Variants in WNT3 observed in about 807,000 individuals in gnomAD.
WNT3 encodes proto-oncogene Wnt-3.
A neutral mutation model predicts 34.2 loss-of-function variants in WNT3; 7 were observed. The ratio of observed to expected loss-of-function variants is 0.20; its 90% CI spans 0.12 to 0.38. The LOEUF is 0.38. Ranked by LOEUF, WNT3 falls within the 10% of genes least tolerant of loss-of-function variation. The pLI is 1.00. For synonymous variants in WNT3, 212 were observed against 211.5 expected (o/e 1.00, Z -0.02); for missense variants, 267 against 499.8 (o/e 0.53, Z 4.44).
At chr17:46,803,159 G>GTACCAATTATTGCAGGTA (rs2084148437) in intron 1 of WNT3, among the ~76,000 whole-genome samples, 1 of 152,192 alleles carries the variant, frequency 6.6e-6, no homozygotes, top group Non-Finnish European at 1.5e-5. Flanking sequence ...GCATTTGGTC[G>GTACCAATTATTGCAGGTA]CAGAAGTCTT....
intron 1 of WNT3, among the ~76,000 whole-genome samples, chr17:46,781,244 A>T (rs912130290): frequency 5.3e-5 from 8 of 152,008 alleles, no homozygotes; most frequent in African/African-American, 1.9e-4. Flanking sequence ...AAAAAAAAAA[A>T]AGGAATGAAA....
intron 1 of WNT3, among the ~76,000 whole-genome samples, chr17:46,816,660 G>T (rs1014169185): frequency 1.3e-5 from 2 of 152,112 alleles, no homozygotes; most frequent in African/African-American, 4.8e-5. Flanking sequence ...TCCCTATCTA[G>T]ATGGTCCCCA....
chr17:46,781,652 G>A (rs1158351801), intron 1 of WNT3, among the ~76,000 whole-genome samples: 4 of 152,102 alleles, frequency 2.6e-5, no homozygotes, highest in African/African-American at 4.8e-5. Context: ...GAAAACAGAC[G>A]GTGGTGATGG....
At chr17:46,774,114 G>A (rs1459673895) in intron 1 of WNT3, among the ~76,000 whole-genome samples, 1 of 152,380 alleles carries the variant, frequency 6.6e-6, no homozygotes, top group East Asian at 1.9e-4. Flanking sequence ...CCCTCTGGCT[G>A]CATCCAGCTT....
intron 1 of WNT3, among the ~76,000 whole-genome samples, chr17:46,785,501 A>T (rs181348577): frequency 6.6e-6 from 1 of 152,356 alleles, no homozygotes; most frequent in African/African-American, 2.4e-5. Flanking sequence ...CCCCGAGGAC[A>T]GGCCCCAGGA....
chr17:46,813,470 CG>C (rs1225035036), intron 1 of WNT3, among the ~76,000 whole-genome samples: 1 of 20,020 alleles, frequency 5.0e-5, no homozygotes, highest in Non-Finnish European at 9.9e-5. Context: ...TAACCTTTGG[CG>C]GGGGGTGGGG....
At chr17:46,771,677 C>G (rs1384837874) in intron 2 of WNT3, among the ~76,000 whole-genome samples, 1 of 144,274 alleles carries the variant, frequency 6.9e-6, no homozygotes, top group East Asian at 2.0e-4. Flanking sequence ...CACCGCGTAG[C>G]AACGGGCGGC....
chr17:46,769,652 G>T (rs2059346004), intron 3 of WNT3, 131 bp downstream of exon 3: 5 of 1,284,640 alleles, frequency 3.9e-6, no homozygotes, highest in Non-Finnish European at 4.3e-6. Context: ...AGGAGGCCAA[G>T]CCTGGCCAAG....
chr17:46,808,489 G>A (rs2084226332), intron 1 of WNT3, among the ~76,000 whole-genome samples: 2 of 152,358 alleles, frequency 1.3e-5, no homozygotes, highest in African/African-American at 2.4e-5. Flanking sequence ...CTGAATGGTG[G>A]TAGAAGGAAA....
intron 1 of WNT3, among the ~76,000 whole-genome samples, chr17:46,806,685 G>T (rs1046297666): frequency 2.6e-5 from 4 of 152,280 alleles, no homozygotes; most frequent in African/African-American, 9.6e-5. Context: ...CCTGAGGCTA[G>T]ACATTCTCTC....
At chr17:46,789,766 C>T (rs985459760) in intron 1 of WNT3, among the ~76,000 whole-genome samples, 1 of 152,212 alleles carries the variant, frequency 6.6e-6, no homozygotes, top group African/African-American at 2.4e-5. Context: ...CAGCTTGGAC[C>T]TCCAGCTGGG....
At chr17:46,811,970 A>C (rs1242888835) in intron 1 of WNT3, among the ~76,000 whole-genome samples, 2 of 152,160 alleles carry the variant, frequency 1.3e-5, no homozygotes, top group African/African-American at 4.8e-5. Flanking sequence ...AAAAAAAGAA[A>C]GAAAGAAAGA....
chr17:46,768,313 T>C lies in WNT3; in HGVS notation c.*7A>G. On this transcript the variant is annotated splice_region_variant and 3_prime_UTR_variant, in exon 4 of 5. Coordinates refer to ENST00000225512, the MANE Select transcript of WNT3 (RefSeq NM_030753.5). This position sits in a 1 kb window ranked among gnomAD's most constrained non-coding sequence, Gnocchi z 5.0. ...CCCCCCTGCTTCCCGGAGCCCTACC[T>C]GGTGCCCTACTTGCAGGTGTGCACG... The C allele has an allele frequency of 6.2e-7, 1 of 1,613,460 alleles. No homozygotes were observed. Among genetic ancestry groups the C allele is most frequent in the East Asian group, 2.2e-5 (1 of 44,882 alleles).
At chr17:46,817,170 C>T (rs912980820) in intron 1 of WNT3, among the ~76,000 whole-genome samples, 7 of 152,232 alleles carry the variant, frequency 4.6e-5, no homozygotes, top group Non-Finnish European at 1.0e-4. Context: ...GCTGCCATCC[C>T]CAAACAACTG....
intron 1 of WNT3, among the ~76,000 whole-genome samples, chr17:46,798,264 TA>T (rs2084079782): frequency 6.6e-6 from 1 of 151,944 alleles, no homozygotes; most frequent in Non-Finnish European, 1.5e-5. Flanking sequence ...AATAAATAGG[TA>T]AAATTCAGGA....
intron 1 of WNT3, among the ~76,000 whole-genome samples, chr17:46,814,626 C>T (rs1376978941): frequency 6.6e-6 from 1 of 152,228 alleles, no homozygotes; most frequent in African/African-American, 2.4e-5. Flanking sequence ...CTCCAGCTAG[C>T]TCAGCTCCTC....
chr17:46,787,039 C>T (rs2059512338), intron 1 of WNT3, among the ~76,000 whole-genome samples: 1 of 151,810 alleles, frequency 6.6e-6, no homozygotes. Flanking sequence ...CTTGGCTCAA[C>T]CAGTCCTTCC....
At chr17:46,803,260 G>C (rs1310721240) in intron 1 of WNT3, among the ~76,000 whole-genome samples, 1 of 152,186 alleles carries the variant, frequency 6.6e-6, no homozygotes, top group Non-Finnish European at 1.5e-5. Flanking sequence ...TTGGCCAGGC[G>C]TAGCGGCTCA....
At chr17:46,784,863 C>G (rs2059489588) in intron 1 of WNT3, among the ~76,000 whole-genome samples, 2 of 151,456 alleles carry the variant, frequency 1.3e-5, no homozygotes, top group African/African-American at 2.4e-5. Context: ...GCAAGCTCCA[C>G]CTCCCGGGTT....
Sources: gnomAD v4.1 joint callset for allele counts (sites outside exome capture counted in the v4.1 genomes callset) on GRCh38, gnomAD v4.1.1 for gene constraint, Gnocchi (gnomAD v3.1) non-coding constraint, MANE v1.5 for transcripts, NCBI Gene and HGNC (gene_info 2026-07-23, HGNC 2026-07-21) for gene names.